Variants in DLC1 observed in about 807,000 individuals in gnomAD.
DLC1 encodes the protein DLC1 Rho GTPase activating protein.
A neutral mutation model predicts 140.3 loss-of-function variants in DLC1; 54 were observed. The observed-to-expected ratio is 0.38, with a 90% CI of 0.31 to 0.48. The LOEUF is 0.48. Among genes scored for constraint, DLC1 ranks in the 20% least tolerant of loss-of-function variants. The pLI, the probability that DLC1 is intolerant of heterozygous loss-of-function variation, is 0.96. For synonymous variants in DLC1, 986 were observed against 728.1 expected, an observed-to-expected ratio of 1.35 and a Z score of -5.70; for missense variants, 2,536 against 1,907.0, an observed-to-expected ratio of 1.33 and a Z score of -6.14.
chr8:13,565,500 CT>C (rs1215938435), intron 1 of DLC1, among the ~76,000 whole-genome samples: 2 of 152,176 alleles, frequency 1.3e-5, no homozygotes, highest in Non-Finnish European at 2.9e-5. Flanking sequence ...TTTTTAAAGA[CT>C]ACCATTATAT....
chr8:13,407,355 G>A (rs779809552), intron 2 of DLC1, among the ~76,000 whole-genome samples: 7 of 152,098 alleles, frequency 4.6e-5, no homozygotes, highest in African/African-American at 7.2e-5. Context: ...CCTTCCATCT[G>A]GGAAAGATAA....
At chr8:13,135,991 C>A (rs966004776) in intron 5 of DLC1, among the ~76,000 whole-genome samples, 1 of 152,158 alleles carries the variant, frequency 6.6e-6, no homozygotes, top group Non-Finnish European at 1.5e-5. Context: ...TGAATCTCAT[C>A]TTCTTTCAGT....
At chr8:13,501,991 A>G (rs3943253) in intron 1 of DLC1, among the ~76,000 whole-genome samples, 28,223 of 152,078 alleles carry the variant, frequency 0.19, 4,190 homozygotes, top group East Asian at 0.61. Context: ...CTTAAGAAAT[A>G]CCAAGTGGTA....
At chr8:13,479,858 AGAGAAAAAGAAAG>A in intron 2 of DLC1, among the ~76,000 whole-genome samples, 1 of 47,344 alleles carries the variant, frequency 2.1e-5, no homozygotes, top group South Asian at 6.4e-4. Context: ...AAGAAGAAGA[AGAGAAAAAGAAAG>A]AAAGAAAGAA....
intron 4 of DLC1, among the ~76,000 whole-genome samples, chr8:13,348,291 A>G (rs921190621): frequency 6.6e-6 from 1 of 152,154 alleles, no homozygotes; most frequent in African/African-American, 2.4e-5. Context: ...ATGTTGCTGG[A>G]GTTTCAGATA....
At chr8:13,136,975 A>G (rs188016462) in intron 5 of DLC1, among the ~76,000 whole-genome samples, 1 of 152,250 alleles carries the variant, frequency 6.6e-6, no homozygotes, top group African/African-American at 2.4e-5. Context: ...AATAATGTAC[A>G]TAAGTGCTTA....
chr8:13,410,361 C>T (rs1450681160), intron 2 of DLC1, among the ~76,000 whole-genome samples: 1 of 152,026 alleles, frequency 6.6e-6, no homozygotes, highest in Non-Finnish European at 1.5e-5. Context: ...CTCAACATTA[C>T]ACTTGAGGTT....
intron 4 of DLC1, among the ~76,000 whole-genome samples, chr8:13,386,650 GT>G (rs1267864288): frequency 6.6e-6 from 1 of 151,992 alleles, no homozygotes; most frequent in Non-Finnish European, 1.5e-5. Context: ...AAATATTTCT[GT>G]TTTTCAAAGT....
chr8:13,267,200 C>G (rs796926202), intron 5 of DLC1, among the ~76,000 whole-genome samples: 17 of 152,240 alleles, frequency 1.1e-4, no homozygotes, highest in African/African-American at 3.6e-4. Flanking sequence ...AGCTGAAAAA[C>G]AATATGCTTG....
In DLC1 at chr8:13,435,634, A is replaced by G. The variant is rs116236628; in HGVS notation, c.1024-34015T>C. Among the ~76,000 whole-genome samples, 947 of 152,316 alleles carry G rather than the reference A, an allele frequency of 6.2e-3. 11 individuals are homozygous for G. The highest frequency in any genetic ancestry group is 0.021 in the African/African-American group (884 of 41,568). On this transcript the variant is annotated intron_variant, in intron 2 of 17. Transcript: ENST00000276297. The stretch of plus-strand genomic sequence containing the variant: ...CAGCGAGGAGTTGTTTCTTGTGGAT[A>G]AACAAATAAAATGGTTCTTTCAGAT...
chr8:13,368,870 C>T (rs1348640947), intron 4 of DLC1, among the ~76,000 whole-genome samples: 1 of 152,176 alleles, frequency 6.6e-6, no homozygotes, highest in Non-Finnish European at 1.5e-5. Flanking sequence ...GTTGCCCAGG[C>T]TGGAGGGCAG....
intron 4 of DLC1, among the ~76,000 whole-genome samples, chr8:13,305,832 A>G (rs750057581): frequency 2.0e-5 from 3 of 152,080 alleles, no homozygotes; most frequent in Admixed American, 2.0e-4. Context: ...GTCAGACCCC[A>G]TCGCAAACAA....
At chr8:13,467,452 C>CTT (rs1307748988) in intron 2 of DLC1, among the ~76,000 whole-genome samples, 4 of 47,180 alleles carry the variant, frequency 8.5e-5, no homozygotes, top group African/African-American at 1.6e-4. Flanking sequence ...TTCTTATATT[C>CTT]CTTTTTTTTT....
intron 12 of DLC1, 115 bp from the exon 13 acceptor site, chr8:13,092,940 C>G: frequency 8.4e-7 from 1 of 1,187,492 alleles, no homozygotes. Context: ...TGAACAAGCA[C>G]TTGTAGAAAG....
At chr8:13,337,155 A>G (rs1280685366) in intron 4 of DLC1, among the ~76,000 whole-genome samples, 1 of 152,168 alleles carries the variant, frequency 6.6e-6, no homozygotes, top group Non-Finnish European at 1.5e-5. Flanking sequence ...TAATTTCTCT[A>G]CAGTTTTGCT....
chr8:13,355,538 G>T (rs1188428953), intron 4 of DLC1, among the ~76,000 whole-genome samples: 1 of 152,092 alleles, frequency 6.6e-6, no homozygotes, highest in East Asian at 1.9e-4. Context: ...CCTCTCTGGT[G>T]GCTCTTCTTA....
intron 1 of DLC1, among the ~76,000 whole-genome samples, chr8:13,590,103 A>C (rs2117470692): frequency 7.0e-6 from 1 of 143,756 alleles, no homozygotes; most frequent in African/African-American, 2.6e-5. Flanking sequence ...ATTTTGTTTT[A>C]TTTTCCCCTG....
intron 5 of DLC1, among the ~76,000 whole-genome samples, chr8:13,269,390 C>A (rs1199429716): frequency 6.6e-6 from 1 of 152,132 alleles, no homozygotes; most frequent in Non-Finnish European, 1.5e-5. Context: ...ATCATCATCA[C>A]ACACAAACAA....
At chr8:13,440,080 A>C (rs180928338) in intron 2 of DLC1, among the ~76,000 whole-genome samples, 31 of 152,306 alleles carry the variant, frequency 2.0e-4, no homozygotes, top group African/African-American at 7.5e-4. Flanking sequence ...TACATTTGGG[A>C]AATACTAGTT....
Sources: allele counts gnomAD v4.1 joint callset (sites outside exome capture counted in the v4.1 genomes callset), GRCh38; gene constraint gnomAD v4.1.1; transcripts MANE v1.5; gene names NCBI Gene and HGNC (gene_info 2026-07-23, HGNC 2026-07-21).